ZNF513: variants seen among roughly 807,000 people sequenced by gnomAD.
The protein encoded by ZNF513 is zinc finger protein 513.
In ZNF513, 16 loss-of-function variants were observed where a neutral mutation model predicts 39.7. That is an observed-to-expected ratio of 0.40 (90% CI 0.27 to 0.61). ZNF513 has a LOEUF of 0.61. ZNF513 is among the 20% of genes least tolerant of loss of function. ZNF513 has a pLI of 0.39. For missense variants in ZNF513, 699 were observed against 743.6 expected (o/e 0.94, Z 0.70); for synonymous variants, 348 against 296.5 (o/e 1.17, Z -1.79).
At position 27,377,689 on chromosome 2, in the gene ZNF513, A is replaced by T. The variant is rs761878863; in HGVS notation, c.1482T>A (p.His494Gln). 1 of 1,614,164 alleles carries T rather than the reference A, an allele frequency of 6.2e-7. No individual in the cohort carries two copies. The highest frequency in any genetic ancestry group is 8.5e-7 in the Non-Finnish European group (1 of 1,180,032). The change falls in exon 4 of 4, where the codon CAT (histidine) becomes CAA (glutamine). Residue 494 changes from histidine to glutamine, a missense_variant. This residue lies in a region of ZNF513 where 71 missense variants were observed against 64.1 expected (regional missense o/e 1.11). Transcript: ENST00000323703. This position sits in a 1 kb window ranked among gnomAD's most constrained non-coding sequence, Gnocchi z 4.4. ...WDNYKRHQKV[H>Q]GHGGAGGPGL... ...CAGGCCCTCCTGCCCCACCGTGGCC[A>T]TGCACCTTCTGGTGGCGCTTGTAGT...
rs757722335 is a variant in ZNF513, at chr2:27,378,213, C to T, written c.958G>A (p.Gly320Arg). The change falls in exon 4 of 4, where the codon GGA becomes AGA. Residue 320 changes from glycine (G) to arginine (R), a missense_variant. This residue lies in a region of ZNF513 where 530 missense variants were observed against 499.3 expected (regional missense o/e 1.06). Coordinates refer to ENST00000323703, the MANE Select transcript of ZNF513 (RefSeq NM_144631.6). This position sits in a 1 kb window ranked among gnomAD's most constrained non-coding sequence, Gnocchi z 8.0. ...LLFPWTCRGC[G>R]QELEEGEGSR... Reference sequence around the variant, plus strand: ...CCCTCACCCTCCTCCAGCTCTTGTCCACAGCCCCGGCAGGTCCAAGGGAAT... The same window carrying T: ...CCCTCACCCTCCTCCAGCTCTTGTCTACAGCCCCGGCAGGTCCAAGGGAAT... 3 of 1,607,266 alleles carry T rather than the reference C, an allele frequency of 1.9e-6. No homozygotes were observed. Among genetic ancestry groups the T allele is most frequent in the South Asian group, 2.2e-5 (2 of 91,084 alleles).
rs13472 is a variant in ZNF513, at chr2:27,377,372, G to A, written c.*173C>T. On this transcript the variant is annotated 3_prime_UTR_variant, in exon 4 of 4. Coordinates refer to ENST00000323703, the MANE Select transcript of ZNF513 (RefSeq NM_144631.6). The surrounding 1 kb of genome is among the most constrained non-coding windows in gnomAD (Gnocchi z 4.4). ...ATACAGGGCCCTTCTCACTGAGCTC[G>A]TGAAGTGCCTCAGTCAAGGCAAGGT... The A allele has an allele frequency of 0.37, 278,478 of 745,638 alleles. 54,467 individuals carry two copies. The highest frequency in any genetic ancestry group is 0.5 in the Admixed American group (25,007 of 50,042). The allele number at this position is 745,638 out of a possible 1,614,324, so 46.2% of individuals were successfully genotyped here.
Position 27,378,845 on chromosome 2 carries a change from C to T in ZNF513, c.421G>A (p.Gly141Arg), listed in dbSNP as rs1391179265. The change falls in exon 3 of 4, where the codon GGG becomes AGG. Residue 141 changes from glycine to arginine, a missense_variant. Gly to Arg is a moderately radical substitution (Grantham distance 125). This residue lies in a region of ZNF513 where 530 missense variants were observed against 499.3 expected (regional missense o/e 1.06). Coordinates refer to ENST00000323703, the MANE Select transcript of ZNF513 (RefSeq NM_144631.6). This position sits in a 1 kb window ranked among gnomAD's most constrained non-coding sequence, Gnocchi z 8.0. ...AGTAGCCGTGGGGGCAGCAGGGGCCCCCCACCCGGCCCTCCTGCCCCACAA... is the reference window on the plus strand; with the variant it reads ...AGTAGCCGTGGGGGCAGCAGGGGCCTCCCACCCGGCCCTCCTGCCCCACAA... ...PCCGAGGPGGGPLLPPRLLYS... is the reference protein window; with the variant it reads ...PCCGAGGPGGRPLLPPRLLYS... 5.6e-6 allele frequency: 9 copies of T among 1,606,314 alleles called. No homozygotes were observed. The Admixed American group carries it at 1.2e-4, about 21-fold the overall frequency.
chr2:27,377,695 C>T lies in ZNF513; in HGVS notation c.1476G>A (p.Lys492=), dbSNP rs1439317798. 7 of 1,614,216 alleles carry T rather than the reference C, an allele frequency of 4.3e-6. No individual in the cohort carries two copies. The highest frequency in any genetic ancestry group is 5.9e-6 in the Non-Finnish European group (7 of 1,180,042). ...GHWDNYKRHQ[K]VHGHGGAGGP... is the part of the protein sequence containing the mutation. ...CTCCTGCCCCACCGTGGCCATGCAC[C>T]TTCTGGTGGCGCTTGTAGTTGTCCC... The change falls in exon 4 of 4, where the codon AAG becomes AAA. Residue 492 remains lysine, a synonymous_variant. Coordinates refer to ENST00000323703, the MANE Select transcript of ZNF513 (RefSeq NM_144631.6). The surrounding 1 kb of genome is among the most constrained non-coding windows in gnomAD (Gnocchi z 4.4).
chr2:27,380,427 G>C, intron 1 of ZNF513, 45 bp downstream of exon 1: 1 of 1,575,884 alleles, frequency 6.3e-7, no homozygotes. Flanking sequence ...CCACTCCACT[G>C]ACCCCACCCC....
chr2:27,377,244 G>A lies in ZNF513; in HGVS notation c.*301C>T, dbSNP rs1683342841. On this transcript the variant is annotated 3_prime_UTR_variant, in exon 4 of 4. Transcript: ENST00000323703. This position sits in a 1 kb window ranked among gnomAD's most constrained non-coding sequence, Gnocchi z 4.4. ...TCAGCATAGACATGGCTTTGTTAGTGTTTCCTTTATTATAAAGCACTGAAA... is the reference window on the plus strand; with the variant it reads ...TCAGCATAGACATGGCTTTGTTAGTATTTCCTTTATTATAAAGCACTGAAA... The A allele has an allele frequency of 1.8e-6, 1 of 559,688 alleles. No individual in the cohort carries two copies. Among genetic ancestry groups the A allele is most frequent in the African/African-American group, 1.9e-5 (1 of 53,120 alleles). The allele number at this position is 559,688 out of a possible 1,614,324, so 34.7% of individuals were successfully genotyped here.
In ZNF513 at chr2:27,378,104, C is replaced by T; in HGVS notation, c.1067G>A (p.Ser356Asn). ...GGASGGPQGP[S>N]DKGFACSLCP... ...GAGGCTACAGGCAAAGCCTTTGTCA[C>T]TGGGGCCCTGGGGCCCCCCACTGGC... Residue 356 changes from serine to asparagine, a missense_variant, in exon 4 of 4, where the codon AGT becomes AAT. Coordinates refer to ENST00000323703, the MANE Select transcript of ZNF513 (RefSeq NM_144631.6). The surrounding 1 kb of genome is among the most constrained non-coding windows in gnomAD (Gnocchi z 8.0). 1.9e-6 allele frequency: 3 copies of T among 1,613,598 alleles called. No homozygotes were observed. The highest frequency in any genetic ancestry group is 2.5e-6 in the Non-Finnish European group (3 of 1,179,704).
rs778237701 is a variant in ZNF513, at chr2:27,378,131, C to A, written c.1040G>T (p.Gly347Val). ...GGGGCCCTGGGGCCCCCCACTGGCA[C>A]CCCCTCCAGCCTCTCCTCGCATGCA... ...GRCMRGEAGGGASGGPQGPSD... is the reference protein window; with the variant it reads ...GRCMRGEAGGVASGGPQGPSD... Residue 347 changes from glycine (G) to valine (V), a missense_variant, in exon 4 of 4, where the codon GGT becomes GTT. Gly to Val is a moderately radical substitution (Grantham distance 109). This residue lies in a region of ZNF513 where 530 missense variants were observed against 499.3 expected (regional missense o/e 1.06). Coordinates refer to ENST00000323703, the MANE Select transcript of ZNF513 (RefSeq NM_144631.6). This position sits in a 1 kb window ranked among gnomAD's most constrained non-coding sequence, Gnocchi z 8.0. The A allele has an allele frequency of 3.1e-6, 5 of 1,613,642 alleles. No homozygotes were observed. The highest frequency in any genetic ancestry group is 8.5e-7 in the Non-Finnish European group (1 of 1,179,818).
chr2:27,377,321 A>G lies in ZNF513; in HGVS notation c.*224T>C. The stretch of plus-strand genomic sequence containing the variant: ...GGGCAGTCCCCCAGCCGGTTTGTCC[A>G]CAGCCCCTGGGGGCAGTGGAGGTGA... On this transcript the variant is annotated 3_prime_UTR_variant, in exon 4 of 4. Coordinates refer to ENST00000323703, the MANE Select transcript of ZNF513 (RefSeq NM_144631.6). This position sits in a 1 kb window ranked among gnomAD's most constrained non-coding sequence, Gnocchi z 4.4. 1.5e-6 allele frequency: 1 copy of G among 679,536 alleles called. No homozygotes were observed. Among genetic ancestry groups the G allele is most frequent in the East Asian group, 2.7e-5 (1 of 36,872 alleles). 42.1% of individuals were successfully genotyped at this position (679,536 alleles called of 1,614,324 possible).
chr2:27,380,016 C>T (rs1363180664), intron 2 of ZNF513, 77 bp downstream of exon 2: 1 of 1,590,112 alleles, frequency 6.3e-7, no homozygotes, highest in Admixed American at 1.7e-5. Flanking sequence ...AAATGGTGTT[C>T]TGTTCACCTA....
In ZNF513 at chr2:27,380,625, G is replaced by A. The variant is rs1236241441; in HGVS notation, c.-99C>T. The A allele has an allele frequency of 8.8e-6, 13 of 1,483,760 alleles. No individual in the cohort carries two copies. Among genetic ancestry groups the A allele is most frequent in the African/African-American group, 8.7e-5 (6 of 68,952 alleles). The allele number at this position is 1,483,760 out of a possible 1,614,324, so 91.9% of individuals were successfully genotyped here. A position where few individuals can be genotyped will look rare whatever the true frequency, so the allele number is the denominator to read the frequency against. Reference sequence around the variant, plus strand: ...GTCTGCCCTTCCTCTCAGGGCCCGCGGGCCGCCCCCATGCAGCGGCGCGGG... The same window carrying A: ...GTCTGCCCTTCCTCTCAGGGCCCGCAGGCCGCCCCCATGCAGCGGCGCGGG... On this transcript the variant is annotated 5_prime_UTR_variant, in exon 1 of 4. Transcript: ENST00000323703.
At chr2:27,380,031 G>A in intron 2 of ZNF513, 62 bp downstream of exon 2, 1 of 1,608,110 alleles carries the variant, frequency 6.2e-7, no homozygotes, top group Non-Finnish European at 8.5e-7. Context: ...CACCTAACCT[G>A]CCTCCTGAAG....
At chr2:27,380,408 G>A (rs559102215) in intron 1 of ZNF513, 64 bp downstream of exon 1, 5 of 1,575,394 alleles carry the variant, frequency 3.2e-6, no homozygotes, top group Middle Eastern at 1.7e-4. Flanking sequence ...CCTCCACCCT[G>A]ACCTGAGCCC....
Position 27,380,234 on chromosome 2 carries a change from A to G in ZNF513, c.70T>C (p.Ser24Pro). 2 of 1,613,732 alleles carry G rather than the reference A, an allele frequency of 1.2e-6. No individual in the cohort carries two copies. The highest frequency in any genetic ancestry group is 1.7e-6 in the Non-Finnish European group (2 of 1,179,902). ...AGGGCCCCGGGTCCTTCGTCGAGGGAGTCTTCAGTATCCACTGAAGAGGGG... is the reference window on the plus strand; with the variant it reads ...AGGGCCCCGGGTCCTTCGTCGAGGGGGTCTTCAGTATCCACTGAAGAGGGG... The part of the protein sequence containing the change: ...CEGVKVDTED[S>P]LDEGPGALVL... Residue 24 changes from serine (S) to proline (P), a missense_variant, in exon 2 of 4, where the codon TCC (serine) becomes CCC (proline). This residue lies in a region of ZNF513 where 530 missense variants were observed against 499.3 expected (regional missense o/e 1.06). Transcript: ENST00000323703.
chr2:27,379,850 A>G (rs1438551220), intron 2 of ZNF513, among the ~76,000 whole-genome samples: 1 of 152,222 alleles, frequency 6.6e-6, no homozygotes, highest in Non-Finnish European at 1.5e-5. Flanking sequence ...ACTTTTAATC[A>G]GTTGCTCCAT....
Position 27,380,728 on chromosome 2 carries a change from G to GC in ZNF513, c.-203dup, listed in dbSNP as rs886055910. The GC allele has an allele frequency of 1.7e-5, 16 of 929,974 alleles. No homozygotes were observed. Among genetic ancestry groups the GC allele is most frequent in the Non-Finnish European group, 2.1e-5 (15 of 712,816 alleles). The allele number at this position is 929,974 out of a possible 1,614,324, so 57.6% of individuals were successfully genotyped here. ...CGCCGCCGCCGCTTCCATTCATGGA[G>GC]CCCCCTACCCCCCTACGGAGACCAG... On this transcript the variant is annotated 5_prime_UTR_variant, in exon 1 of 4. Transcript: ENST00000323703.
chr2:27,380,656 G>T lies in ZNF513; in HGVS notation c.-130C>A. 1.5e-6 allele frequency: 2 copies of T among 1,333,594 alleles called. No individual in the cohort carries two copies. The highest frequency in any genetic ancestry group is 1.9e-6 in the Non-Finnish European group (2 of 1,046,050). The allele number at this position is 1,333,594 out of a possible 1,614,324, so 82.6% of individuals were successfully genotyped here. A position where few individuals can be genotyped will look rare whatever the true frequency, so the allele number is the denominator to read the frequency against. On this transcript the variant is annotated 5_prime_UTR_variant, in exon 1 of 4. Coordinates refer to ENST00000323703, the MANE Select transcript of ZNF513 (RefSeq NM_144631.6). Reference sequence around the variant, plus strand: ...CCCCCATGCAGCGGCGCGGGCCCTGGGCAGCCCCCGGCCCTGGCCCCGGCG... The same window carrying T: ...CCCCCATGCAGCGGCGCGGGCCCTGTGCAGCCCCCGGCCCTGGCCCCGGCG...
chr2:27,378,509 T>C lies in ZNF513; in HGVS notation c.757A>G (p.Ser253Gly). Reference sequence around the variant, plus strand: ...ACCGCCCCCTCCTGCTCTGTGGGACTGGGAGGCCGGGCTGGTCGTGGAGTA... The same window carrying C: ...ACCGCCCCCTCCTGCTCTGTGGGACCGGGAGGCCGGGCTGGTCGTGGAGTA... The part of the protein sequence containing the change: ...CCTPRPARPP[S>G]PTEQEGAVPR... The change falls in exon 3 of 4, where the codon AGT becomes GGT. Residue 253 changes from serine to glycine, a missense_variant. This residue lies in a region of ZNF513 where 530 missense variants were observed against 499.3 expected (regional missense o/e 1.06). Coordinates refer to ENST00000323703, the MANE Select transcript of ZNF513 (RefSeq NM_144631.6). The surrounding 1 kb of genome is among the most constrained non-coding windows in gnomAD (Gnocchi z 8.0). The C allele has an allele frequency of 6.2e-7, 1 of 1,614,138 alleles. No individual in the cohort carries two copies. The highest frequency in any genetic ancestry group is 8.5e-7 in the Non-Finnish European group (1 of 1,180,020).
rs376305062 is a variant in ZNF513 at position 27,377,753 on chromosome 2, C to A, written c.1418G>T (p.Arg473Leu). The A allele has an allele frequency of 3.1e-6, 5 of 1,614,120 alleles. No individual in the cohort carries two copies. ...CGTGGTATAGGCGCAGGTGGCACAG[C>A]GGAAGGGCTTCTCGCCTGTGTGCCG... The part of the protein sequence containing the change: ...MLRHTGEKPF[R>L]CATCAYTTGH... Residue 473 changes from arginine to leucine, a missense_variant, in exon 4 of 4, where the codon CGC becomes CTC. By Grantham distance (102) the Arg-to-Leu change is moderately radical. This residue lies in a region of ZNF513 where 98 missense variants were observed against 180.2 expected (regional missense o/e 0.54). Coordinates refer to ENST00000323703, the MANE Select transcript of ZNF513 (RefSeq NM_144631.6). This position sits in a 1 kb window ranked among gnomAD's most constrained non-coding sequence, Gnocchi z 4.4.
Sources: allele counts gnomAD v4.1 joint callset (sites outside exome capture counted in the v4.1 genomes callset), GRCh38; gene constraint gnomAD v4.1.1; regional missense constraint gnomAD v4.1.1; non-coding constraint Gnocchi (gnomAD v3.1); transcripts MANE v1.5; gene names NCBI Gene and HGNC (gene_info 2026-07-23, HGNC 2026-07-21).